Variants in APOBEC3F observed in about 807,000 individuals in gnomAD.
APOBEC3F encodes DNA dC->dU-editing enzyme APOBEC-3F.
APOBEC3F carries 34 observed loss-of-function variants against 45.8 expected under a neutral mutation model. That is an observed-to-expected ratio of 0.74 (90% CI 0.57 to 0.99). The LOEUF is 0.99. Among genes scored for constraint, APOBEC3F ranks in the 50% least tolerant of loss-of-function variants. The pLI is 0.00. For synonymous variants in APOBEC3F, 192 were observed against 174.4 expected, an observed-to-expected ratio of 1.10 and a Z score of -0.80; for missense variants, 459 against 474.1, an observed-to-expected ratio of 0.97 and a Z score of 0.30.
intron 4 of APOBEC3F, among the ~76,000 whole-genome samples, chr22:39,048,890 C>T (rs1430348009): frequency 6.6e-6 from 1 of 152,020 alleles, no homozygotes; most frequent in East Asian, 1.9e-4. Context: ...GAGGCTGAGG[C>T]AGGAGAATCA....
chr22:39,052,348 A>G lies in APOBEC3F; in HGVS notation c.998A>G (p.Tyr333Cys). The G allele has an allele frequency of 6.2e-7, 1 of 1,614,094 alleles. No homozygotes were observed. The highest frequency in any genetic ancestry group is 8.5e-7 in the Non-Finnish European group (1 of 1,179,940). Residue 333 changes from tyrosine (Y) to cysteine (C), a missense_variant, in exon 6 of 7, where the codon TAC becomes TGC. Transcript: ENST00000308521. ...GGGGCCTCCGTGGAGATCATGGGCT[A>G]CAAAGGTGAGACGTTGGGGGGCTGA... ...QEGASVEIMGYKDFKYCWENF... is the reference protein window; with the variant it reads ...QEGASVEIMGCKDFKYCWENF...
chr22:39,049,922 C>T (rs1199829188), intron 5 of APOBEC3F, among the ~76,000 whole-genome samples: 4 of 151,330 alleles, frequency 2.6e-5, no homozygotes, highest in South Asian at 4.2e-4. Flanking sequence ...AGGCTGGTTT[C>T]GAATTCCTGA....
intron 1 of APOBEC3F, 22 bp downstream of exon 1, chr22:39,040,999 G>T (rs200403999): frequency 3.2e-4 from 500 of 1,581,598 alleles, no homozygotes; most frequent in Non-Finnish European, 3.6e-4. Context: ...CGCTCTACCC[G>T]CTGGGCCCCT....
At chr22:39,041,229 C>G (rs574605724) in intron 1 of APOBEC3F, among the ~76,000 whole-genome samples, 6 of 152,220 alleles carry the variant, frequency 3.9e-5, no homozygotes, top group African/African-American at 1.4e-4. Flanking sequence ...CCCCCGCCAC[C>G]GAAAGTCATG....
intron 4 of APOBEC3F, among the ~76,000 whole-genome samples, chr22:39,047,264 C>T (rs1005067422): frequency 3.9e-5 from 6 of 152,102 alleles, no homozygotes; most frequent in Admixed American, 2.6e-4. Context: ...ACATAGCTAC[C>T]GGGTGGGGGG....
At chr22:39,041,104 C>T in intron 1 of APOBEC3F, 127 bp downstream of exon 1, 1 of 1,463,568 alleles carries the variant, frequency 6.8e-7, no homozygotes, top group South Asian at 1.2e-5. Context: ...CTCTGGCTCC[C>T]CTGCCCCCGC....
rs998547342 is a variant in APOBEC3F, at chr22:39,054,477, G to T, written c.*1782G>T. 1.3e-5 allele frequency among the ~76,000 whole-genome samples: 2 copies of T among 152,046 alleles called. No homozygotes were observed. Among genetic ancestry groups the T allele is most frequent in the African/African-American group, 4.8e-5 (2 of 41,390 alleles). On this transcript the variant is annotated 3_prime_UTR_variant, in exon 7 of 7. Coordinates refer to ENST00000308521, the MANE Select transcript of APOBEC3F (RefSeq NM_145298.6). ...GAACTCCTGACCTCGTGATCCACCC[G>T]TCTCGGCCTCCCAAAGTGCTGGGAT...
chr22:39,042,048 TC>T (rs1926930552), intron 1 of APOBEC3F, among the ~76,000 whole-genome samples: 1 of 152,144 alleles, frequency 6.6e-6, no homozygotes, highest in Non-Finnish European at 1.5e-5. Flanking sequence ...GCCCCATCCG[TC>T]CCCAGCTCTG....
rs554910831 is a variant in APOBEC3F at position 39,054,104 on chromosome 22, C to T, written c.*1409C>T. Among the ~76,000 whole-genome samples, 1,376 of 152,186 alleles carry T rather than the reference C, an allele frequency of 9.0e-3. 25 individuals carry two copies. Among genetic ancestry groups the T allele is most frequent in the African/African-American group, 0.031 (1,296 of 41,536 alleles). On this transcript the variant is annotated 3_prime_UTR_variant, in exon 7 of 7. Transcript: ENST00000308521. ...CTCGGCTCACTGCAACCTCTGCCTC[C>T]CTTGTTCAAGTGATTCTCCTGTCTC...
chr22:39,044,556 C>T (rs901111149), intron 2 of APOBEC3F: 53 of 531,770 alleles, frequency 1.0e-4, no homozygotes, highest in Non-Finnish European at 1.4e-4. Flanking sequence ...CCTGGGATGT[C>T]GAGTCACTGC....
At chr22:39,041,877 C>G (rs1242334844) in intron 1 of APOBEC3F, among the ~76,000 whole-genome samples, 1 of 151,696 alleles carries the variant, frequency 6.6e-6, no homozygotes, top group Non-Finnish European at 1.5e-5. Flanking sequence ...GAAAAAAAAA[C>G]AAAAACAAAA....
chr22:39,054,157 C>T lies in APOBEC3F; in HGVS notation c.*1462C>T, dbSNP rs1291166904. On this transcript the variant is annotated 3_prime_UTR_variant, in exon 7 of 7. Coordinates refer to ENST00000308521, the MANE Select transcript of APOBEC3F (RefSeq NM_145298.6). The stretch of plus-strand genomic sequence containing the variant: ...CCTCCCGAGTAGCTGGGATTACAGG[C>T]GTCCACCACCAAACCAGGCTAATTT... Among the ~76,000 whole-genome samples, 2 of 151,986 alleles carry T rather than the reference C, an allele frequency of 1.3e-5. No individual in the cohort carries two copies. Among genetic ancestry groups the T allele is most frequent in the Admixed American group, 1.3e-4 (2 of 15,250 alleles).
At chr22:39,047,306 C>T (rs1927272152) in intron 4 of APOBEC3F, among the ~76,000 whole-genome samples, 2 of 152,146 alleles carry the variant, frequency 1.3e-5, no homozygotes, top group Admixed American at 6.5e-5. Context: ...GGGCAGGATC[C>T]AGGAGTCCCT....
At chr22:39,041,094 C>G in intron 1 of APOBEC3F, 117 bp downstream of exon 1, 1 of 1,506,120 alleles carries the variant, frequency 6.6e-7, no homozygotes, top group Non-Finnish European at 8.9e-7. Context: ...GCTCCCTCCC[C>G]TCTGGCTCCC....
chr22:39,052,086 A>C lies in APOBEC3F; in HGVS notation c.736A>C (p.Thr246Pro). Residue 246 changes from threonine (T) to proline (P), a missense_variant, in exon 6 of 7, where the codon ACC (threonine) becomes CCC (proline). Thr to Pro is a conservative substitution (Grantham distance 38). Coordinates refer to ENST00000308521, the MANE Select transcript of APOBEC3F (RefSeq NM_145298.6). ...GVFRNQVDPE[T>P]HCHAERCFLS... ...CCTCCTTCCCCAGGTGGATCCTGAG[A>C]CCCATTGTCATGCAGAAAGGTGCTT... The C allele has an allele frequency of 6.2e-7, 1 of 1,611,860 alleles. No individual in the cohort carries two copies. The highest frequency in any genetic ancestry group is 8.5e-7 in the Non-Finnish European group (1 of 1,178,192).
In APOBEC3F at chr22:39,040,986, GC is replaced by G; in HGVS notation, c.17+12del. 3 of 1,584,374 alleles carry G rather than the reference GC, an allele frequency of 1.9e-6. No individual in the cohort carries two copies. Among genetic ancestry groups the G allele is most frequent in the Non-Finnish European group, 2.6e-6 (3 of 1,164,996 alleles). On this transcript the variant is annotated intron_variant, in intron 1 of 6. Coordinates refer to ENST00000308521, the MANE Select transcript of APOBEC3F (RefSeq NM_145298.6). Reference sequence around the variant, plus strand: ...ATGAAGCCTCACTTCAGGTACCGCTGCCCGCTCTACCCGCTGGGCCCCTCTG... The same window carrying G: ...ATGAAGCCTCACTTCAGGTACCGCTGCCGCTCTACCCGCTGGGCCCCTCTG...
At chr22:39,047,951 G>C (rs1280830092) in intron 4 of APOBEC3F, among the ~76,000 whole-genome samples, 1 of 152,140 alleles carries the variant, frequency 6.6e-6, no homozygotes, top group South Asian at 2.1e-4. Context: ...GAGAGGATGT[G>C]GGGGAGGGAA....
intron 4 of APOBEC3F, among the ~76,000 whole-genome samples, chr22:39,048,187 G>A (rs1477434728): frequency 6.6e-6 from 1 of 152,234 alleles, no homozygotes; most frequent in African/African-American, 2.4e-5. Context: ...GCTCCCTCCT[G>A]CAGGGCCTGT....
intron 4 of APOBEC3F, among the ~76,000 whole-genome samples, chr22:39,047,391 C>A (rs917384572): frequency 6.6e-6 from 1 of 152,120 alleles, no homozygotes; most frequent in African/African-American, 2.4e-5. Context: ...TGAGGTCACT[C>A]ACAGCGCAGG....
Sources: gnomAD v4.1 joint callset for allele counts (sites outside exome capture counted in the v4.1 genomes callset) on GRCh38, gnomAD v4.1.1 for gene constraint, MANE v1.5 for transcripts, NCBI Gene and HGNC (gene_info 2026-07-23, HGNC 2026-07-21) for gene names.